Variants in TFCP2L1 observed in about 807,000 individuals in gnomAD.
TFCP2L1 encodes the protein transcription factor CP2 like 1, also known as transcription factor CP2-like protein 1.
TFCP2L1 carries 12 observed loss-of-function variants against 72.2 expected under a neutral mutation model. That is an observed-to-expected ratio of 0.17 (90% confidence interval 0.11 to 0.27). TFCP2L1 has a LOEUF of 0.27. Ranked by LOEUF, TFCP2L1 falls within the 10% of genes least tolerant of loss-of-function variation. The pLI is 1.00. For missense variants in TFCP2L1, 488 were observed against 624.6 expected, an observed-to-expected ratio of 0.78 and a Z score of 2.33; for synonymous variants, 260 against 251.0, an observed-to-expected ratio of 1.04 and a Z score of -0.34.
intron 2 of TFCP2L1, 106 bp downstream of exon 2, chr2:121,281,014 C>T: frequency 6.7e-7 from 1 of 1,490,108 alleles, no homozygotes; most frequent in East Asian, 2.3e-5. Flanking sequence ...CCCGACCTCG[C>T]CCGACCTCAC....
chr2:121,232,131 T>TGTTTC (rs2104668242), intron 12 of TFCP2L1, among the ~76,000 whole-genome samples, 163 bp from the exon 13 acceptor site: 1 of 146,222 alleles, frequency 6.8e-6, no homozygotes, highest in African/African-American at 2.8e-5. Context: ...TGTTTTGTTT[T>TGTTTC]GTTTTGTTTT....
chr2:121,271,200 T>TAAAA (rs70954542), intron 2 of TFCP2L1, among the ~76,000 whole-genome samples: 6 of 129,994 alleles, frequency 4.6e-5, no homozygotes, highest in Admixed American at 7.8e-5. Context: ...AAAATAAAAA[T>TAAAA]AAAAAAAAAA....
At chr2:121,231,799 C>T (rs778329275) in intron 13 of TFCP2L1, 27 bp downstream of exon 13, 5 of 1,609,060 alleles carry the variant, frequency 3.1e-6, no homozygotes, top group South Asian at 2.2e-5. Context: ...AGCCCGTTGT[C>T]GGGGCAGGCC....
At chr2:121,270,448 G>A (rs773808981) in intron 2 of TFCP2L1, among the ~76,000 whole-genome samples, 6 of 152,178 alleles carry the variant, frequency 3.9e-5, no homozygotes, top group Non-Finnish European at 8.8e-5. Flanking sequence ...ATGTCATGCT[G>A]GCAATTCTAT....
intron 13 of TFCP2L1, among the ~76,000 whole-genome samples, chr2:121,229,421 G>GA (rs1183033701): frequency 1.1e-4 from 17 of 152,150 alleles, no homozygotes; most frequent in African/African-American, 4.1e-4. Flanking sequence ...TTTTTAATGT[G>GA]AAAGACAGGG....
At chr2:121,283,527 C>T (rs1687306093) in intron 1 of TFCP2L1, among the ~76,000 whole-genome samples, 1 of 152,168 alleles carries the variant, frequency 6.6e-6, no homozygotes, top group Non-Finnish European at 1.5e-5. Context: ...ACTCCCAACG[C>T]TCACCCTCCT....
At chr2:121,227,190 A>G (rs1034302546) in intron 13 of TFCP2L1, among the ~76,000 whole-genome samples, 1 of 152,188 alleles carries the variant, frequency 6.6e-6, no homozygotes, top group African/African-American at 2.4e-5. Flanking sequence ...GAACAAGGGA[A>G]TGTTTAATAG....
At chr2:121,264,159 C>T (rs910291629) in intron 2 of TFCP2L1, among the ~76,000 whole-genome samples, 1 of 152,154 alleles carries the variant, frequency 6.6e-6, no homozygotes, top group African/African-American at 2.4e-5. Context: ...ATCAATTGAC[C>T]CCAGGTCTCG....
intron 11 of TFCP2L1, among the ~76,000 whole-genome samples, chr2:121,234,584 C>T (rs1325883784): frequency 1.3e-5 from 2 of 152,336 alleles, no homozygotes; most frequent in South Asian, 2.1e-4. Context: ...AAGGGCTTTC[C>T]CTTCACTGCA....
intron 2 of TFCP2L1, 71 bp from the exon 3 acceptor site, chr2:121,249,718 C>G: frequency 6.7e-7 from 1 of 1,494,428 alleles, no homozygotes; most frequent in Non-Finnish European, 9.3e-7. Context: ...CAGCTAGCAG[C>G]CTTCTCAACA....
In TFCP2L1 at chr2:121,246,975, G is replaced by A. The variant is rs1378674449; in HGVS notation, c.505-5C>T. 2.5e-6 allele frequency: 4 copies of A among 1,613,968 alleles called. No homozygotes were observed. Among genetic ancestry groups the A allele is most frequent in the Non-Finnish European group, 3.4e-6 (4 of 1,179,982 alleles). ...TTCTGTGCTGATGCAGTGTACCTGG[G>A]AGGAGAAACGTTGGGCAGGTGGCAA... On this transcript the variant is annotated splice_polypyrimidine_tract_variant and splice_region_variant and intron_variant, in intron 5 of 14. Transcript: ENST00000263707.
In TFCP2L1 at chr2:121,220,514, C is replaced by T. The variant is rs1685910342; in HGVS notation, c.*3827G>A. 1 of 152,250 alleles carries T rather than the reference C, an allele frequency of 6.6e-6. No individual in the cohort carries two copies. The highest frequency in any genetic ancestry group is 2.4e-5 in the African/African-American group (1 of 41,458). The allele number at this position is 152,250 out of a possible 1,614,324, so 9.4% of individuals were successfully genotyped here. A position where few individuals can be genotyped will look rare whatever the true frequency, so the allele number is the denominator to read the frequency against. On this transcript the variant is annotated 3_prime_UTR_variant, in exon 15 of 15. Transcript: ENST00000263707. The stretch of plus-strand genomic sequence containing the variant: ...TAAGAGTAAGGAACTCAGCTTTGGG[C>T]TTCCAGTTCAAGATGGTGGCCTGAG...
chr2:121,267,787 C>T (rs575449623), intron 2 of TFCP2L1, among the ~76,000 whole-genome samples: 7 of 152,278 alleles, frequency 4.6e-5, no homozygotes, highest in Non-Finnish European at 7.4e-5. Flanking sequence ...TGAGCCACAA[C>T]GCCCAGCCCT....
At chr2:121,238,332 G>A (rs534435467) in intron 8 of TFCP2L1, among the ~76,000 whole-genome samples, 21 of 152,328 alleles carry the variant, frequency 1.4e-4, no homozygotes, top group South Asian at 8.3e-4. Context: ...ATTTTGCAGT[G>A]AACAAGCACC....
At chr2:121,279,987 A>G (rs997597267) in intron 2 of TFCP2L1, among the ~76,000 whole-genome samples, 4 of 152,164 alleles carry the variant, frequency 2.6e-5, no homozygotes, top group African/African-American at 4.8e-5. Context: ...TCATGAGACG[A>G]CCCAGAAGAA....
chr2:121,275,408 A>AAAAAAAAG (rs2104760324), intron 2 of TFCP2L1, among the ~76,000 whole-genome samples: 1 of 150,866 alleles, frequency 6.6e-6, no homozygotes, highest in South Asian at 2.1e-4. Flanking sequence ...CAAAAAAAAA[A>AAAAAAAAG]AAAAAAAGAA....
At chr2:121,268,499 G>A (rs1200654241) in intron 2 of TFCP2L1, among the ~76,000 whole-genome samples, 5 of 151,944 alleles carry the variant, frequency 3.3e-5, no homozygotes, top group Non-Finnish European at 4.4e-5. Context: ...GACCACAGGC[G>A]TGCACCACCT....
intron 10 of TFCP2L1, 86 bp from the exon 11 acceptor site, chr2:121,235,397 T>C: frequency 2.4e-6 from 2 of 833,538 alleles, no homozygotes; most frequent in Non-Finnish European, 3.8e-6. Flanking sequence ...CCCATAGCAC[T>C]GGGGGTGGGG....
At chr2:121,267,744 C>T (rs2104743758) in intron 2 of TFCP2L1, among the ~76,000 whole-genome samples, 1 of 152,340 alleles carries the variant, frequency 6.6e-6, no homozygotes, top group Non-Finnish European at 1.5e-5. Context: ...ATGCGCCTGC[C>T]TTGGCCTCCC....
Sources: gnomAD v4.1 joint callset for allele counts (sites outside exome capture counted in the v4.1 genomes callset) on GRCh38, gnomAD v4.1.1 for gene constraint, MANE v1.5 for transcripts, NCBI Gene and HGNC (gene_info 2026-07-23, HGNC 2026-07-21) for gene names.